The following VAV2 variants were observed in gnomAD, a reference collection of about 807,000 sequenced individuals.
VAV2 encodes the protein vav guanine nucleotide exchange factor 2.
In VAV2, 67 loss-of-function variants were observed where a neutral mutation model predicts 132.5. That is an observed-to-expected ratio of 0.51 (90% confidence interval 0.42 to 0.62). VAV2 has a LOEUF of 0.62. Among genes scored for constraint, VAV2 ranks in the 20% least tolerant of loss-of-function variants. VAV2 has a pLI of 0.00. For synonymous variants in VAV2, 492 were observed against 443.5 expected (o/e 1.11, Z -1.37); for missense variants, 938 against 1,153.6 (o/e 0.81, Z 2.71).
At chr9:133,894,284 T>C (rs1839106437) in intron 2 of VAV2, among the ~76,000 whole-genome samples, 1 of 152,158 alleles carries the variant, frequency 6.6e-6, no homozygotes, top group Admixed American at 6.5e-5. Flanking sequence ...GTGCCGGCCA[T>C]CAGCACCGGC....
intron 1 of VAV2, among the ~76,000 whole-genome samples, chr9:133,987,337 C>T (rs1251222294): frequency 1.3e-5 from 2 of 152,136 alleles, no homozygotes; most frequent in Non-Finnish European, 2.9e-5. Flanking sequence ...GTTCAAAGCG[C>T]GTGGAGGACA....
intron 3 of VAV2, among the ~76,000 whole-genome samples, chr9:133,841,544 G>A (rs762778928): frequency 6.6e-6 from 1 of 152,122 alleles, no homozygotes; most frequent in Non-Finnish European, 1.5e-5. Flanking sequence ...GTCCTGGAGT[G>A]AGTGTCCACA....
intron 1 of VAV2, among the ~76,000 whole-genome samples, chr9:133,942,972 C>G (rs1841225111): frequency 6.6e-6 from 1 of 152,244 alleles, no homozygotes; most frequent in Non-Finnish European, 1.5e-5. Flanking sequence ...GGCCCGGCCT[C>G]CCTTCAGGGA....
At chr9:133,784,660 G>C (rs151190307) in intron 17 of VAV2, among the ~76,000 whole-genome samples, 1 of 152,258 alleles carries the variant, frequency 6.6e-6, no homozygotes, top group Non-Finnish European at 1.5e-5. Context: ...GAACCTTCCA[G>C]GTGGGGACGG....
At chr9:133,886,501 G>A (rs1160363108) in intron 2 of VAV2, among the ~76,000 whole-genome samples, 6 of 152,218 alleles carry the variant, frequency 3.9e-5, no homozygotes, top group Non-Finnish European at 2.9e-5. Flanking sequence ...CAGACAAGAG[G>A]AAGCCCCAGA....
rs757095462 is a variant in VAV2 at position 133,812,178 on chromosome 9, G to T, written c.488C>A (p.Pro163Gln). The T allele has an allele frequency of 6.2e-7, 1 of 1,613,960 alleles. No homozygotes were observed. The highest frequency in any genetic ancestry group is 1.1e-5 in the South Asian group (1 of 91,080). The change falls in exon 5 of 30, where the codon CCG (proline) becomes CAG (glutamine). Residue 163 changes from proline (P) to glutamine (Q), a missense_variant. Coordinates refer to ENST00000371850, the MANE Select transcript of VAV2 (RefSeq NM_001134398.2). ...DLGEDIYDCV[P>Q]CEDGGDDIYE... The stretch of plus-strand genomic sequence containing the variant: ...GATGTCGTCCCCTCCATCCTCACAC[G>T]GGACGCAGTCGTAGATGTCCTCCCC...
intron 18 of VAV2, among the ~76,000 whole-genome samples, chr9:133,783,792 G>C (rs56833671): frequency 0.033 from 4,944 of 151,410 alleles, 292 homozygotes; most frequent in African/African-American, 0.11. Flanking sequence ...CCACCAGCCT[G>C]CCTCCCTGCC....
At chr9:133,849,496 G>T (rs996596910) in intron 3 of VAV2, among the ~76,000 whole-genome samples, 1 of 152,222 alleles carries the variant, frequency 6.6e-6, no homozygotes, top group Admixed American at 6.5e-5. Flanking sequence ...CCTGGACCCT[G>T]CGTCCCAGAG....
chr9:133,868,790 C>G (rs1313085519), intron 2 of VAV2, among the ~76,000 whole-genome samples: 3 of 152,218 alleles, frequency 2.0e-5, no homozygotes, highest in Non-Finnish European at 4.4e-5. Context: ...AACCTGAGCA[C>G]GTGGTTCCTC....
intron 2 of VAV2, among the ~76,000 whole-genome samples, chr9:133,927,523 C>T (rs529306532): frequency 2.6e-5 from 4 of 152,124 alleles, no homozygotes; most frequent in African/African-American, 4.8e-5. Context: ...CTAGGTGGCC[C>T]GTGGGGCCTG....
intron 4 of VAV2, among the ~76,000 whole-genome samples, chr9:133,817,718 G>A (rs561608639): frequency 2.0e-5 from 3 of 152,160 alleles, no homozygotes; most frequent in Non-Finnish European, 4.4e-5. Flanking sequence ...CTGATCCAGC[G>A]AGTAGAGTGT....
At chr9:133,777,622 G>T (rs899751027) in intron 22 of VAV2, among the ~76,000 whole-genome samples, 159 bp from the exon 23 acceptor site, 1 of 152,094 alleles carries the variant, frequency 6.6e-6, no homozygotes, top group Non-Finnish European at 1.5e-5. Flanking sequence ...AGCCAGTTAG[G>T]GCAGGGAGGT....
chr9:133,815,793 C>T (rs1003209657), intron 4 of VAV2, among the ~76,000 whole-genome samples: 2 of 152,026 alleles, frequency 1.3e-5, no homozygotes, highest in East Asian at 3.9e-4. Flanking sequence ...TGTGTATGCA[C>T]GCACGCCTGT....
chr9:133,975,359 C>T (rs1435847301), intron 1 of VAV2, among the ~76,000 whole-genome samples: 1 of 152,230 alleles, frequency 6.6e-6, no homozygotes. Context: ...CCCTACCTGG[C>T]CTCCCACACT....
At chr9:133,780,593 C>G (rs1833972749) in intron 20 of VAV2, 101 bp downstream of exon 20, 1 of 1,262,988 alleles carries the variant, frequency 7.9e-7, no homozygotes, top group South Asian at 3.0e-5. Flanking sequence ...GGTGTGGCCC[C>G]ATGAGTGGTG....
chr9:133,936,986 T>C (rs936545226), intron 2 of VAV2, among the ~76,000 whole-genome samples: 3 of 152,234 alleles, frequency 2.0e-5, no homozygotes, highest in Non-Finnish European at 1.5e-5. Context: ...AGCTGGTAAG[T>C]TGAATAATGA....
intron 2 of VAV2, among the ~76,000 whole-genome samples, chr9:133,887,004 C>G (rs866682710): frequency 6.6e-6 from 1 of 152,104 alleles, no homozygotes; most frequent in African/African-American, 2.4e-5. Flanking sequence ...GGTGCCAAGC[C>G]CCCCCTCCCC....
At chr9:133,938,345 T>C (rs1390299495) in intron 2 of VAV2, among the ~76,000 whole-genome samples, 1 of 152,088 alleles carries the variant, frequency 6.6e-6, no homozygotes, top group Non-Finnish European at 1.5e-5. Context: ...CCTGATCCCA[T>C]CCATTTAAAA....
chr9:133,812,809 A>C (rs1316662216), intron 4 of VAV2, among the ~76,000 whole-genome samples: 2 of 152,162 alleles, frequency 1.3e-5, no homozygotes, highest in East Asian at 3.9e-4. Flanking sequence ...GTTTTAGCTC[A>C]TGGTCCTACT....
Sources: allele counts gnomAD v4.1 joint callset (sites outside exome capture counted in the v4.1 genomes callset), GRCh38; gene constraint gnomAD v4.1.1; transcripts MANE v1.5; gene names NCBI Gene and HGNC (gene_info 2026-07-23, HGNC 2026-07-21).